The following FGF14 variants were observed in gnomAD, a reference collection of about 807,000 sequenced individuals.
FGF14 encodes the protein fibroblast growth factor homologous factor 4.
In FGF14, 5 loss-of-function variants were observed where a neutral mutation model predicts 25.5. That is an observed-to-expected ratio of 0.20 (90% CI 0.10 to 0.41). The LOEUF (loss-of-function observed/expected upper bound fraction) is 0.41, where lower values mean the gene tolerates loss of function less well. FGF14 is among the 10% of genes least tolerant of loss of function. The probability of loss-of-function intolerance (pLI) is 1.00; values close to 1 mark genes in which losing one functional copy is unlikely to be tolerated. For synonymous variants in FGF14, 138 were observed against 118.3 expected (o/e 1.17, Z -1.08); for missense variants, 222 against 320.1 (o/e 0.69, Z 2.34).
intron 1 of FGF14, among the ~76,000 whole-genome samples, chr13:101,876,405 A>C (rs1252439747): frequency 6.6e-6 from 1 of 152,174 alleles, no homozygotes; most frequent in Non-Finnish European, 1.5e-5. Flanking sequence ...CTTATAATCA[A>C]TAGAAAAATT....
intron 1 of FGF14, among the ~76,000 whole-genome samples, chr13:102,064,226 T>G (rs903896163): frequency 6.6e-5 from 10 of 152,052 alleles, no homozygotes; most frequent in African/African-American, 2.4e-4. Context: ...TGTCCCAGTT[T>G]TATGCCTGCT....
chr13:101,915,612 T>G (rs1451501359), intron 1 of FGF14, among the ~76,000 whole-genome samples: 1 of 30,454 alleles, frequency 3.3e-5, no homozygotes, highest in Non-Finnish European at 6.0e-5. Context: ...CCCTGGCATT[T>G]CAAAGGCAGT....
Position 101,763,879 on chromosome 13 carries a change from C to G in FGF14, c.409-37069G>C, listed in dbSNP as rs561336336. Among the ~76,000 whole-genome samples the G allele has an allele frequency of 2.0e-5, 3 of 151,894 alleles. No homozygotes were observed. The East Asian group carries it at 5.9e-4, about 30-fold the overall frequency. On this transcript the variant is annotated intron_variant, in intron 3 of 4. Coordinates refer to ENST00000376143, the MANE Select transcript of FGF14 (RefSeq NM_004115.4). ...CTGTCTCAAAAAACAAACAAACAAA[C>G]AAACAAAACTTAACCTCCCCAGAGC...
At chr13:102,225,335 T>C (rs993111043) in intron 1 of FGF14, among the ~76,000 whole-genome samples, 2 of 152,150 alleles carry the variant, frequency 1.3e-5, no homozygotes, top group Non-Finnish European at 2.9e-5. Context: ...CAAGGTGACA[T>C]TGCTAGACAG....
chr13:101,835,602 C>T (rs2042886162), intron 3 of FGF14, among the ~76,000 whole-genome samples: 6 of 151,932 alleles, frequency 3.9e-5, no homozygotes, highest in Admixed American at 3.9e-4. Context: ...GTCCCAAGTC[C>T]TAACGTGCAG....
intron 1 of FGF14, among the ~76,000 whole-genome samples, chr13:102,357,268 T>C (rs1204626395): frequency 6.6e-6 from 1 of 152,028 alleles, no homozygotes; most frequent in Admixed American, 6.6e-5. Flanking sequence ...CAGTGTACTA[T>C]GTAAGATCTC....
chr13:101,831,036 T>C (rs2140280345), intron 3 of FGF14, among the ~76,000 whole-genome samples: 1 of 152,204 alleles, frequency 6.6e-6, no homozygotes, highest in East Asian at 1.9e-4. Flanking sequence ...TCAAGGTCGT[T>C]AATTTAATTA....
chr13:101,734,280 A>C (rs1003302960), intron 3 of FGF14, among the ~76,000 whole-genome samples: 12 of 152,234 alleles, frequency 7.9e-5, no homozygotes, highest in African/African-American at 2.9e-4. Context: ...CTGTCAATTA[A>C]ATTGACATTA....
At chr13:102,078,673 G>C (rs892811879) in intron 1 of FGF14, among the ~76,000 whole-genome samples, 8 of 152,174 alleles carry the variant, frequency 5.3e-5, no homozygotes. Flanking sequence ...AGTTCATAGA[G>C]ACCCAGCAGT....
At chr13:102,232,297 AC>A (rs2140996552) in intron 1 of FGF14, among the ~76,000 whole-genome samples, 1 of 82,276 alleles carries the variant, frequency 1.2e-5, no homozygotes, top group South Asian at 3.3e-4. Context: ...AAAGAATAAA[AC>A]TAAAAATAAC....
intron 1 of FGF14, among the ~76,000 whole-genome samples, chr13:101,907,547 A>C (rs1485393241): frequency 6.6e-6 from 1 of 152,152 alleles, no homozygotes; most frequent in Non-Finnish European, 1.5e-5. Context: ...GTCATGGGTG[A>C]CCGTGACAAG....
At chr13:101,964,920 C>T (rs953646318) in intron 1 of FGF14, among the ~76,000 whole-genome samples, 5 of 152,096 alleles carry the variant, frequency 3.3e-5, no homozygotes, top group African/African-American at 1.2e-4. Context: ...CTCCTTCTGG[C>T]TTTTGTGCAT....
chr13:101,824,005 G>C (rs2042286705), intron 3 of FGF14, among the ~76,000 whole-genome samples: 1 of 151,860 alleles, frequency 6.6e-6, no homozygotes, highest in Admixed American at 6.6e-5. Flanking sequence ...ATTTGATGAT[G>C]AATTTATTTT....
intron 1 of FGF14, among the ~76,000 whole-genome samples, chr13:102,171,896 T>G (rs919736303): frequency 8.5e-6 from 1 of 117,950 alleles, no homozygotes; most frequent in African/African-American, 3.3e-5. Flanking sequence ...TTCTAGGTTT[T>G]TTTTTTTTTG....
At position 102,265,672 on chromosome 13, in the gene FGF14, A is replaced by G. The variant is rs1007444149; in HGVS notation, c.208+135799T>C. ...GAATTTTTATACCCTTAAGACTGAG[A>G]AAAATTTAATGACTAAATAGAAGAA... is the stretch of plus-strand genomic sequence containing the variant. On this transcript the variant is annotated intron_variant, in intron 1 of 4. Transcript: ENST00000376131. Among the ~76,000 whole-genome samples the G allele has an allele frequency of 3.9e-5, 6 of 152,310 alleles. No individual in the cohort carries two copies. In the East Asian group the frequency reaches 1.2e-3, roughly 29 times the overall value.
At chr13:102,114,482 A>G (rs1279706914) in intron 1 of FGF14, among the ~76,000 whole-genome samples, 1 of 152,170 alleles carries the variant, frequency 6.6e-6, no homozygotes. Context: ...GATAATTGAA[A>G]TAAGAATCTG....
intron 1 of FGF14, among the ~76,000 whole-genome samples, chr13:102,199,139 C>T (rs2049500895): frequency 6.6e-6 from 1 of 152,126 alleles, no homozygotes; most frequent in South Asian, 2.1e-4. Flanking sequence ...CTGTGAGTCA[C>T]TAATATTGCT....
chr13:102,279,002 A>G (rs1241208751), intron 1 of FGF14, among the ~76,000 whole-genome samples: 1 of 152,210 alleles, frequency 6.6e-6, no homozygotes, highest in Non-Finnish European at 1.5e-5. Context: ...TATATTTGAC[A>G]TATATGAACT....
At chr13:102,022,830 T>G (rs1414606340) in intron 1 of FGF14, among the ~76,000 whole-genome samples, 1 of 152,098 alleles carries the variant, frequency 6.6e-6, no homozygotes, top group Non-Finnish European at 1.5e-5. Context: ...CTTAATGTGT[T>G]AGATTTCAGC....
Sources: gnomAD v4.1 joint callset for allele counts (sites outside exome capture counted in the v4.1 genomes callset) on GRCh38, gnomAD v4.1.1 for gene constraint, MANE v1.5 for transcripts, NCBI Gene and HGNC (gene_info 2026-07-23, HGNC 2026-07-21) for gene names.